Variants in ADAMTSL3 observed in about 807,000 individuals in gnomAD.
ADAMTSL3 encodes ADAMTS like 3, also known as ADAMTS-like protein 3.
In ADAMTSL3, 128 loss-of-function variants were observed where a neutral mutation model predicts 201.7. That is an observed-to-expected ratio of 0.63 (90% CI 0.55 to 0.73). The LOEUF (loss-of-function observed/expected upper bound fraction) is 0.73. Ranked by LOEUF, ADAMTSL3 falls within the 30% of genes least tolerant of loss-of-function variation. The pLI, the probability that ADAMTSL3 is intolerant of heterozygous loss-of-function variation, is 0.00. For synonymous variants in ADAMTSL3, 738 were observed against 748.4 expected (o/e 0.99, Z 0.23); for missense variants, 1,990 against 2,119.6 (o/e 0.94, Z 1.20).
intron 17 of ADAMTSL3, among the ~76,000 whole-genome samples, chr15:83,925,807 T>C (rs1253637856): frequency 6.6e-6 from 1 of 152,188 alleles, no homozygotes; most frequent in East Asian, 1.9e-4. Flanking sequence ...TAGATACTTT[T>C]GGAAAAGCTG....
At chr15:83,793,459 G>GTGTTGTTGTTGT (rs57822593) in intron 4 of ADAMTSL3, among the ~76,000 whole-genome samples, 112 of 150,650 alleles carry the variant, frequency 7.4e-4, no homozygotes, top group African/African-American at 1.0e-3. Flanking sequence ...ATCTGTTGGT[G>GTGTTGTTGTTGT]TGTTGTTGTT....
At chr15:83,775,023 T>A (rs935470993) in intron 4 of ADAMTSL3, among the ~76,000 whole-genome samples, 9 of 152,120 alleles carry the variant, frequency 5.9e-5, no homozygotes, top group African/African-American at 1.9e-4. Flanking sequence ...ATTTTTGTAT[T>A]TTTAATAGAG....
At chr15:83,908,819 C>T (rs2065885131) in intron 15 of ADAMTSL3, among the ~76,000 whole-genome samples, 1 of 152,162 alleles carries the variant, frequency 6.6e-6, no homozygotes, top group South Asian at 2.1e-4. Context: ...GTCAGAAGCC[C>T]AGTAGATTCA....
intron 2 of ADAMTSL3, among the ~76,000 whole-genome samples, chr15:83,702,341 A>G (rs2061788965): frequency 6.6e-6 from 1 of 152,244 alleles, no homozygotes; most frequent in South Asian, 2.1e-4. Context: ...GAAAAATTCA[A>G]GCTGGCTGCA....
intron 4 of ADAMTSL3, among the ~76,000 whole-genome samples, chr15:83,797,910 A>C (rs926048548): frequency 6.6e-6 from 1 of 152,174 alleles, no homozygotes; most frequent in Non-Finnish European, 1.5e-5. Flanking sequence ...TTAAAATTTG[A>C]AACCAACTGC....
At chr15:83,971,696 T>C (rs889528822) in intron 20 of ADAMTSL3, among the ~76,000 whole-genome samples, 1 of 149,108 alleles carries the variant, frequency 6.7e-6, no homozygotes, top group African/African-American at 2.5e-5. Context: ...GGAAGGGAGG[T>C]AGGGAACAGG....
At chr15:83,855,946 G>A (rs763662934) in intron 7 of ADAMTSL3, among the ~76,000 whole-genome samples, 4 of 152,050 alleles carry the variant, frequency 2.6e-5, no homozygotes, top group Non-Finnish European at 5.9e-5. Flanking sequence ...AGGAGGTAGA[G>A]GCTGCAGTGA....
chr15:83,875,665 C>T (rs1010556938), intron 9 of ADAMTSL3, among the ~76,000 whole-genome samples: 2 of 152,020 alleles, frequency 1.3e-5, no homozygotes, highest in African/African-American at 4.8e-5. Context: ...CGCCTGTAAT[C>T]CCAGCTACTT....
intron 7 of ADAMTSL3, among the ~76,000 whole-genome samples, chr15:83,848,434 T>A (rs576622882): frequency 2.6e-5 from 4 of 152,344 alleles, no homozygotes; most frequent in African/African-American, 9.6e-5. Context: ...AGCAAAGCTG[T>A]GATATCCAGC....
At chr15:83,674,766 C>CATATATACACACATATATATATAT (rs1555428954) in intron 2 of ADAMTSL3, among the ~76,000 whole-genome samples, 1 of 68,952 alleles carries the variant, frequency 1.5e-5, no homozygotes, top group Admixed American at 1.7e-4. Context: ...CACATATATA[C>CATATATACACACATATATATATAT]ATATATATAT....
chr15:83,783,350 A>G (rs1351082470), intron 4 of ADAMTSL3, among the ~76,000 whole-genome samples: 1 of 152,084 alleles, frequency 6.6e-6, no homozygotes, highest in Non-Finnish European at 1.5e-5. Context: ...AGGAGAGAAA[A>G]AAGAACATAG....
intron 4 of ADAMTSL3, among the ~76,000 whole-genome samples, chr15:83,780,388 C>T (rs865818457): frequency 8.9e-5 from 13 of 145,638 alleles, no homozygotes; most frequent in Admixed American, 6.9e-5. Flanking sequence ...GCAGCCTGGG[C>T]GACAAGAGTG....
At chr15:83,810,555 T>C (rs1042476362) in intron 5 of ADAMTSL3, among the ~76,000 whole-genome samples, 1 of 152,218 alleles carries the variant, frequency 6.6e-6, no homozygotes, top group Non-Finnish European at 1.5e-5. Context: ...AGGCCCGAAG[T>C]CTGACACAGG....
rs563471675 is a variant in ADAMTSL3, at chr15:83,933,050, T to A, written c.2117+9017T>A. Among the ~76,000 whole-genome samples the A allele has an allele frequency of 2.7e-4, 41 of 152,330 alleles. 1 individual carries two copies. In the Middle Eastern group the frequency reaches 0.01, roughly 38 times the overall value. On this transcript the variant is annotated intron_variant, in intron 17 of 29. Transcript: ENST00000286744. ...CATTGAACCATCTGAAACTTTCTATTTGGTCAAAAATGGTCAAATATTGGC... is the reference window on the plus strand; with the variant it reads ...CATTGAACCATCTGAAACTTTCTATATGGTCAAAAATGGTCAAATATTGGC...
intron 8 of ADAMTSL3, among the ~76,000 whole-genome samples, chr15:83,860,022 G>A (rs546245815): frequency 6.6e-6 from 1 of 152,096 alleles, no homozygotes; most frequent in African/African-American, 2.4e-5. Context: ...AAAAAAATTA[G>A]CTAGGCATAG....
intron 19 of ADAMTSL3, among the ~76,000 whole-genome samples, chr15:83,968,354 A>C (rs180888866): frequency 1.9e-4 from 29 of 152,344 alleles, no homozygotes; most frequent in African/African-American, 6.7e-4. Context: ...CCCATCAAAA[A>C]GTGGGTGAAG....
In ADAMTSL3 at chr15:83,752,280, A is replaced by C. The variant is rs142089283; in HGVS notation, c.190-21243A>C. 1.4e-4 allele frequency among the ~76,000 whole-genome samples: 21 copies of C among 152,168 alleles called. 1 individual carries two copies. The highest frequency in any genetic ancestry group is 5.1e-4 in the African/African-American group (21 of 41,540). The stretch of plus-strand genomic sequence containing the variant: ...TTGGTATAGCCTTAGCATTTTCTTT[A>C]CTTTTGATACTTTGCTGTAATAGAC... On this transcript the variant is annotated intron_variant, in intron 3 of 29. Coordinates refer to ENST00000286744, the MANE Select transcript of ADAMTSL3 (RefSeq NM_207517.3).
At chr15:84,031,230 C>T in intron 27 of ADAMTSL3, 105 bp from the exon 28 acceptor site, 1 of 1,116,076 alleles carries the variant, frequency 9.0e-7, no homozygotes, top group Non-Finnish European at 1.3e-6. Flanking sequence ...GGTTACAGTC[C>T]CCTTGTAATA....
chr15:83,962,920 G>A (rs528473116), intron 19 of ADAMTSL3, among the ~76,000 whole-genome samples: 115 of 152,310 alleles, frequency 7.6e-4, no homozygotes, highest in Non-Finnish European at 1.5e-3. Context: ...AGAGGTCAGG[G>A]AACTCCCTCC....
Sources: allele counts gnomAD v4.1 joint callset (sites outside exome capture counted in the v4.1 genomes callset), GRCh38; gene constraint gnomAD v4.1.1; transcripts MANE v1.5; gene names NCBI Gene and HGNC (gene_info 2026-07-23, HGNC 2026-07-21).